The following LUZP2 variants were observed in gnomAD, a reference collection of about 807,000 sequenced individuals.
LUZP2 encodes the protein leucine zipper protein 2.
In LUZP2, 52 loss-of-function variants were observed where a neutral mutation model predicts 51.6. The ratio of observed to expected loss-of-function variants is 1.01; its 90% CI spans 0.81 to 1.27. The LOEUF (loss-of-function observed/expected upper bound fraction) is 1.27. Among genes scored for constraint, LUZP2 ranks in the 50% most tolerant of loss-of-function variants. The pLI is 0.00. For synonymous variants in LUZP2, 154 were observed against 137.3 expected, an observed-to-expected ratio of 1.12 and a Z score of -0.85; for missense variants, 436 against 395.4, an observed-to-expected ratio of 1.10 and a Z score of -0.87.
At chr11:24,831,669 A>G (rs533831513) in intron 5 of LUZP2, among the ~76,000 whole-genome samples, 100 of 152,298 alleles carry the variant, frequency 6.6e-4, no homozygotes, top group Middle Eastern at 3.4e-3. Context: ...GTAGCATGCC[A>G]TTTAGTGAAT....
chr11:25,066,555 T>C (rs1213949212), intron 10 of LUZP2, among the ~76,000 whole-genome samples: 1 of 152,004 alleles, frequency 6.6e-6, no homozygotes, highest in Non-Finnish European at 1.5e-5. Flanking sequence ...TGAATGATCT[T>C]AAGTGTTATT....
intron 9 of LUZP2, among the ~76,000 whole-genome samples, chr11:25,001,591 G>A (rs1327013340): frequency 6.6e-6 from 1 of 152,196 alleles, no homozygotes; most frequent in East Asian, 1.9e-4. Flanking sequence ...GAGTGTTATA[G>A]GGTTACAGAG....
intron 9 of LUZP2, among the ~76,000 whole-genome samples, chr11:24,995,200 C>T (rs1427237087): frequency 2.0e-5 from 3 of 152,052 alleles, no homozygotes; most frequent in Non-Finnish European, 4.4e-5. Context: ...TGAGACCAGC[C>T]TGGGCAACAC....
chr11:24,608,623 A>T (rs897554225), intron 1 of LUZP2, among the ~76,000 whole-genome samples: 12 of 152,186 alleles, frequency 7.9e-5, no homozygotes, highest in African/African-American at 2.9e-4. Context: ...TTGTGATTGT[A>T]AGTTTAGTCA....
intron 7 of LUZP2, among the ~76,000 whole-genome samples, chr11:24,940,863 T>C (rs1448209225): frequency 2.0e-5 from 3 of 152,202 alleles, no homozygotes; most frequent in Admixed American, 6.5e-5. Flanking sequence ...AGAAGTGGTA[T>C]GTGTAGAGAT....
intron 5 of LUZP2, among the ~76,000 whole-genome samples, chr11:24,790,283 A>T (rs1261418088): frequency 6.6e-6 from 1 of 152,114 alleles, no homozygotes; most frequent in Non-Finnish European, 1.5e-5. Context: ...AATTTGAAAA[A>T]AATACATTTT....
chr11:24,910,974 G>A (rs994411943), intron 6 of LUZP2, among the ~76,000 whole-genome samples: 6 of 152,168 alleles, frequency 3.9e-5, no homozygotes, highest in Admixed American at 2.0e-4. Flanking sequence ...AAGGCTATGC[G>A]AGTCCACCTC....
intron 1 of LUZP2, among the ~76,000 whole-genome samples, chr11:24,582,058 G>A (rs143335290): frequency 1.3e-4 from 20 of 152,126 alleles, no homozygotes; most frequent in Middle Eastern, 3.4e-3. Flanking sequence ...CATTTTGGGC[G>A]ATACAAACTT....
intron 5 of LUZP2, among the ~76,000 whole-genome samples, chr11:24,846,525 C>A (rs967644977): frequency 2.0e-5 from 3 of 151,560 alleles, no homozygotes; most frequent in Non-Finnish European, 4.4e-5. Flanking sequence ...GACAGCTGAC[C>A]AAAACTGATA....
At chr11:24,927,739 A>C (rs1358134952) in intron 7 of LUZP2, among the ~76,000 whole-genome samples, 1 of 151,946 alleles carries the variant, frequency 6.6e-6, no homozygotes. Flanking sequence ...TTGGTTCCAT[A>C]TAAATTTTAG....
chr11:24,775,806 G>A (rs1272831385), intron 5 of LUZP2, among the ~76,000 whole-genome samples: 2 of 152,086 alleles, frequency 1.3e-5, no homozygotes, highest in Non-Finnish European at 2.9e-5. Context: ...TCAAGTAAAG[G>A]AGAAAGTTTA....
At chr11:24,625,068 A>G (rs1854631257) in intron 1 of LUZP2, among the ~76,000 whole-genome samples, 1 of 152,152 alleles carries the variant, frequency 6.6e-6, no homozygotes, top group South Asian at 2.1e-4. Flanking sequence ...CATAATGCCG[A>G]GTGAATTAAG....
At chr11:24,920,837 G>T (rs535368301) in intron 7 of LUZP2, among the ~76,000 whole-genome samples, 1 of 152,156 alleles carries the variant, frequency 6.6e-6, no homozygotes, top group South Asian at 2.1e-4. Context: ...ATTATTTAAT[G>T]TGTATCATGT....
chr11:24,883,417 G>A (rs1388614791), intron 5 of LUZP2, among the ~76,000 whole-genome samples: 2 of 147,284 alleles, frequency 1.4e-5, no homozygotes, highest in African/African-American at 2.7e-5. Context: ...AAAAGCAAAT[G>A]ATGAGCATAT....
intron 1 of LUZP2, among the ~76,000 whole-genome samples, chr11:24,608,984 G>A (rs1158491401): frequency 6.6e-6 from 1 of 151,998 alleles, no homozygotes; most frequent in Admixed American, 6.6e-5. Context: ...TGATAGAGGA[G>A]ATTATTAAAA....
intron 5 of LUZP2, among the ~76,000 whole-genome samples, chr11:24,872,938 C>A (rs1421381216): frequency 2.0e-5 from 3 of 152,094 alleles, no homozygotes; most frequent in Non-Finnish European, 2.9e-5. Context: ...TTCTGTTTTA[C>A]ATTTTTCCCT....
chr11:24,782,331 A>G (rs1849118596), intron 5 of LUZP2, among the ~76,000 whole-genome samples: 1 of 152,048 alleles, frequency 6.6e-6, no homozygotes, highest in African/African-American at 2.4e-5. Context: ...ATGCACATTT[A>G]TTAGACAGGG....
chr11:24,756,245 CAT>C lies in LUZP2; in HGVS notation c.334-7000_334-6999del, dbSNP rs553167150. On this transcript the variant is annotated intron_variant, in intron 4 of 11. Coordinates refer to ENST00000336930, the MANE Select transcript of LUZP2 (RefSeq NM_001009909.4). The stretch of plus-strand genomic sequence containing the variant: ...TGTATTGATACACTGATTAATTCCA[CAT>C]GTCTTCCTAAAATGTATAAAAGCAA... Among the ~76,000 whole-genome samples, 43 of 152,338 alleles carry C rather than the reference CAT, an allele frequency of 2.8e-4. No homozygotes were observed. In the South Asian group the frequency reaches 6.8e-3, roughly 24 times the overall value.
intron 9 of LUZP2, among the ~76,000 whole-genome samples, chr11:24,999,346 AAAG>A (rs1230254354): frequency 2.0e-5 from 3 of 151,930 alleles, no homozygotes; most frequent in South Asian, 2.1e-4. Context: ...AGAAGAGGAA[AAAG>A]AAGAAGGAGG....
Sources: allele counts gnomAD v4.1 joint callset (sites outside exome capture counted in the v4.1 genomes callset), GRCh38; gene constraint gnomAD v4.1.1; transcripts MANE v1.5; gene names NCBI Gene and HGNC (gene_info 2026-07-23, HGNC 2026-07-21).